NDUFAF6: variants seen among roughly 807,000 people sequenced by gnomAD.
The protein encoded by NDUFAF6 is NADH dehydrogenase (ubiquinone) complex I, assembly factor 6.
NDUFAF6 carries 45 observed loss-of-function variants against 40.8 expected under a neutral mutation model. That is an observed-to-expected ratio of 1.10 (90% confidence interval 0.87 to 1.42). The LOEUF (loss-of-function observed/expected upper bound fraction) is 1.42, where lower values mean the gene tolerates loss of function less well. Among genes scored for constraint, NDUFAF6 ranks in the 40% most tolerant of loss-of-function variants. The pLI is 0.00. For missense variants in NDUFAF6, 435 were observed against 418.5 expected, an observed-to-expected ratio of 1.04 and a Z score of -0.34; for synonymous variants, 185 against 155.9, an observed-to-expected ratio of 1.19 and a Z score of -1.39.
chr8:95,114,812 C>G (rs1228620834), intron 4 of NDUFAF6, among the ~76,000 whole-genome samples: 1 of 152,130 alleles, frequency 6.6e-6, no homozygotes. Flanking sequence ...GTGAAATGGA[C>G]TTTGATACCA....
downstream of NDUFAF6, among the ~76,000 whole-genome samples, chr8:95,059,128 G>A (rs574598258): frequency 9.2e-5 from 14 of 152,128 alleles, no homozygotes; most frequent in African/African-American, 3.1e-4. Context: ...GCTGGTAATC[G>A]GTCGATCTGA....
intron 4 of NDUFAF6, among the ~76,000 whole-genome samples, chr8:95,112,407 C>A (rs974322194): frequency 2.6e-5 from 4 of 152,070 alleles, no homozygotes; most frequent in African/African-American, 9.7e-5. Flanking sequence ...CAGAGACACA[C>A]GGGGGAGACT....
intron 1 of NDUFAF6, among the ~76,000 whole-genome samples, chr8:94,969,018 T>C (rs1406352463): frequency 6.6e-6 from 1 of 152,146 alleles, no homozygotes; most frequent in South Asian, 2.1e-4. Context: ...ATTTTGACCA[T>C]GTTAAGTTTG....
At chr8:95,008,300 C>G (rs548431661) in intron 2 of NDUFAF6, among the ~76,000 whole-genome samples, 1 of 152,136 alleles carries the variant, frequency 6.6e-6, no homozygotes, top group Non-Finnish European at 1.5e-5. Context: ...TAAAGAAAAA[C>G]TCTGAATAAT....
chr8:95,021,626 A>G (rs760579663), upstream of NDUFAF6, among the ~76,000 whole-genome samples: 14 of 152,174 alleles, frequency 9.2e-5, no homozygotes, highest in Non-Finnish European at 1.0e-4. Flanking sequence ...AAAACTCAGT[A>G]TGTGTCCTTT....
chr8:94,896,094 T>C (rs1345386645), intron 1 of NDUFAF6, among the ~76,000 whole-genome samples: 1 of 152,138 alleles, frequency 6.6e-6, no homozygotes, highest in Non-Finnish European at 1.5e-5. Context: ...CCTCCCTTGC[T>C]TCCTCTCTTC....
In NDUFAF6 at chr8:94,977,038, C is replaced by T. The variant is rs552735220; in HGVS notation, c.-198-3821C>T. ...TGGTGGCACACACCTGTGGTCCCAC[C>T]TAGGTGAGAGGATCACCTAAACTCA... is the stretch of plus-strand genomic sequence containing the variant. On this transcript the variant is annotated intron_variant, in intron 1 of 9. Transcript: ENST00000396111. 1.0e-3 allele frequency among the ~76,000 whole-genome samples: 153 copies of T among 150,764 alleles called. 1 individual carries two copies. The highest frequency in any genetic ancestry group is 1.6e-3 in the Non-Finnish European group (107 of 67,802).
intron 1 of NDUFAF6, chr8:94,928,011 C>T (rs1016567522): frequency 2.0e-5 from 3 of 152,042 alleles, no homozygotes; most frequent in African/African-American, 7.3e-5. Flanking sequence ...GTCTTACATA[C>T]AGGAGATGCC....
At chr8:94,937,877 C>A (rs1479491909) in intron 1 of NDUFAF6, among the ~76,000 whole-genome samples, 1 of 152,138 alleles carries the variant, frequency 6.6e-6, no homozygotes, top group Non-Finnish European at 1.5e-5. Flanking sequence ...ACCTATGTCA[C>A]CTTACCCTAT....
chr8:95,015,876 T>A (rs1827422997), intron 2 of NDUFAF6, among the ~76,000 whole-genome samples: 1 of 152,170 alleles, frequency 6.6e-6, no homozygotes, highest in Non-Finnish European at 1.5e-5. Context: ...AGAAGAGTGC[T>A]AAGGGATAAA....
chr8:94,914,517 AGTC>A (rs1203200087), intron 1 of NDUFAF6, among the ~76,000 whole-genome samples: 2 of 152,196 alleles, frequency 1.3e-5, no homozygotes, highest in African/African-American at 4.8e-5. Context: ...ACCCCAGAAT[AGTC>A]AGCCAGTTCC....
chr8:95,010,335 C>T (rs1227102249), intron 2 of NDUFAF6, among the ~76,000 whole-genome samples: 2 of 152,126 alleles, frequency 1.3e-5, no homozygotes, highest in African/African-American at 2.4e-5. Context: ...GTGGAGGAGG[C>T]CTCGGCCTCC....
chr8:95,112,916 T>A (rs978938065), intron 4 of NDUFAF6, among the ~76,000 whole-genome samples: 1 of 152,272 alleles, frequency 6.6e-6, no homozygotes, highest in African/African-American at 2.4e-5. Context: ...GTTGCCACGA[T>A]GGAGCAAAGT....
At chr8:95,105,597 G>A (rs1016067875), downstream of NDUFAF6, among the ~76,000 whole-genome samples, 11 of 152,124 alleles carry the variant, frequency 7.2e-5, no homozygotes, top group African/African-American at 2.7e-4. Flanking sequence ...TGCCTCCTGG[G>A]CTCAAGCAAT....
At chr8:95,011,331 A>C (rs147981229) in intron 2 of NDUFAF6, among the ~76,000 whole-genome samples, 314 of 152,336 alleles carry the variant, frequency 2.1e-3, no homozygotes, top group Non-Finnish European at 3.1e-3. Flanking sequence ...TCACTTTGTT[A>C]CGCAGAGCAG....
At chr8:94,966,746 G>A (rs1330727005) in intron 1 of NDUFAF6, among the ~76,000 whole-genome samples, 1 of 152,134 alleles carries the variant, frequency 6.6e-6, no homozygotes, top group African/African-American at 2.4e-5. Context: ...TAGTGTGTGT[G>A]GCCTATCCTC....
At chr8:94,897,090 C>T (rs1244243648) in intron 1 of NDUFAF6, among the ~76,000 whole-genome samples, 4 of 152,152 alleles carry the variant, frequency 2.6e-5, no homozygotes, top group African/African-American at 9.7e-5. Context: ...GGTCAGGGGT[C>T]TCCCAACAAG....
intron 1 of NDUFAF6, among the ~76,000 whole-genome samples, chr8:94,911,841 C>T (rs963801729): frequency 2.6e-5 from 4 of 152,156 alleles, no homozygotes; most frequent in Non-Finnish European, 5.9e-5. Context: ...TCCTTGAGAG[C>T]AGCCAGAAGT....
At chr8:95,037,555 A>G (rs1315929696) in intron 3 of NDUFAF6, among the ~76,000 whole-genome samples, 1 of 152,204 alleles carries the variant, frequency 6.6e-6, no homozygotes, top group Non-Finnish European at 1.5e-5. Context: ...GAGTCCTGCC[A>G]TGTAGTAGTA....
Sources: gnomAD v4.1 joint callset for allele counts (sites outside exome capture counted in the v4.1 genomes callset) on GRCh38, gnomAD v4.1.1 for gene constraint, MANE v1.5 for transcripts, NCBI Gene and HGNC (gene_info 2026-07-23, HGNC 2026-07-21) for gene names.